CHD9: variants seen among roughly 807,000 people sequenced by gnomAD.
The protein encoded by CHD9 is chromodomain helicase DNA binding protein 9, also known as ATP-dependent chromatin remodeler CHD9.
In CHD9, 77 loss-of-function variants were observed where a neutral mutation model predicts 316.1. That is an observed-to-expected ratio of 0.24 (90% CI 0.20 to 0.29). The LOEUF (loss-of-function observed/expected upper bound fraction) is 0.29. Among genes scored for constraint, CHD9 ranks in the 10% least tolerant of loss-of-function variants. CHD9 has a pLI of 1.00. For missense variants in CHD9, 2,763 were observed against 3,438.1 expected (o/e 0.80, Z 4.91); for synonymous variants, 1,129 against 1,158.3 (o/e 0.97, Z 0.51).
intron 1 of CHD9, among the ~76,000 whole-genome samples, chr16:53,103,092 G>A (rs553197912): frequency 6.7e-5 from 10 of 148,538 alleles, no homozygotes; most frequent in South Asian, 4.2e-4. Flanking sequence ...TGATCCGCCC[G>A]CCTTGGCCTC....
At position 53,245,760 on chromosome 16, in the gene CHD9, T is replaced by C; in HGVS notation, c.3364T>C (p.Ser1122Pro). 1 of 1,611,324 alleles carries C rather than the reference T, an allele frequency of 6.2e-7. No homozygotes were observed. The highest frequency in any genetic ancestry group is 8.5e-7 in the Non-Finnish European group (1 of 1,178,984). The part of the protein sequence containing the change: ...AILEKNFSFL[S>P]KGAGQTNVPN... The stretch of plus-strand genomic sequence containing the variant: ...CTTGGAAAAGAACTTTTCTTTTTTA[T>C]CCAAAGGAGCAGGACAAACTAATGT... Residue 1122 changes from serine (S) to proline (P), a missense_variant, in exon 15 of 39, where the codon TCC becomes CCC. By Grantham distance (74) the Ser-to-Pro change is moderately conservative (BLOSUM62 -1). Around this residue, in one of 15 missense-constraint regions of CHD9, gnomAD observed 155 missense variants for 291.8 expected, o/e 0.53. Transcript: ENST00000447540. This position sits in a 1 kb window ranked among gnomAD's most constrained non-coding sequence, Gnocchi z 4.1.
At chr16:53,145,280 T>G (rs1010572406) in intron 1 of CHD9, among the ~76,000 whole-genome samples, 5 of 151,550 alleles carry the variant, frequency 3.3e-5, no homozygotes, top group East Asian at 4.0e-4. Context: ...GCCTCCCAAA[T>G]AGCTGGGATT....
At chr16:53,235,120 C>G (rs1567531746) in intron 10 of CHD9, 65 bp from the exon 11 acceptor site, 1 of 1,286,608 alleles carries the variant, frequency 7.8e-7, no homozygotes, top group Admixed American at 2.5e-5. Context: ...TAAACCAATG[C>G]TTTTTGCCTT....
chr16:53,308,078 A>C (rs2056145740), intron 33 of CHD9, 125 bp downstream of exon 33: 1 of 827,252 alleles, frequency 1.2e-6, no homozygotes, highest in Non-Finnish European at 1.8e-6. Context: ...TATTTGGATT[A>C]TTTTCTTTCT....
At position 53,096,046 on chromosome 16, in the gene CHD9, G is replaced by T. The variant is rs530318991; in HGVS notation, c.-165+40969G>T. Among the ~76,000 whole-genome samples, 6 of 151,832 alleles carry T rather than the reference G, an allele frequency of 4.0e-5. No individual in the cohort carries two copies. In the East Asian group the frequency reaches 1.2e-3, roughly 29 times the overall value. On this transcript the variant is annotated intron_variant, in intron 1 of 38. Coordinates refer to ENST00000447540, the MANE Select transcript of CHD9 (RefSeq NM_001308319.2). The stretch of plus-strand genomic sequence containing the variant: ...AGCAGTGGGGGTCATCCTGCAAGGG[G>T]ACTGTGAAGATTTTTTTTTTTTTTT...
chr16:53,284,984 C>G (rs1212437856), intron 24 of CHD9, among the ~76,000 whole-genome samples: 10 of 152,004 alleles, frequency 6.6e-5, no homozygotes, highest in Non-Finnish European at 1.5e-4. Context: ...CCAGGCTGGT[C>G]TTGTACTCCT....
At chr16:53,097,866 TCCCAGCA>T (rs1254824445) in intron 1 of CHD9, among the ~76,000 whole-genome samples, 4 of 152,236 alleles carry the variant, frequency 2.6e-5, no homozygotes, top group Non-Finnish European at 4.4e-5. Context: ...CACACTGTAA[TCCCAGCA>T]CTTTGGGAGG....
intron 24 of CHD9, 86 bp from the exon 25 acceptor site, chr16:53,285,510 C>T: frequency 1.6e-6 from 1 of 612,888 alleles, no homozygotes; most frequent in South Asian, 2.6e-5. Flanking sequence ...TTGAAAGCCA[C>T]AGTGCTTTAA....
At chr16:53,170,298 A>G (rs1441996938) in intron 2 of CHD9, among the ~76,000 whole-genome samples, 1 of 152,268 alleles carries the variant, frequency 6.6e-6, no homozygotes, top group East Asian at 1.9e-4. Flanking sequence ...TGTTATAAAA[A>G]TGTGTTTATA....
chr16:53,131,870 C>T (rs2039346569), intron 1 of CHD9, among the ~76,000 whole-genome samples: 1 of 152,146 alleles, frequency 6.6e-6, no homozygotes, highest in African/African-American at 2.4e-5. Flanking sequence ...CCCCGAGTGC[C>T]TCTCCCCGTC....
chr16:53,065,308 T>C (rs918863457), intron 1 of CHD9, among the ~76,000 whole-genome samples: 9 of 152,040 alleles, frequency 5.9e-5, no homozygotes, highest in African/African-American at 2.2e-4. Context: ...TCCTTCCTAC[T>C]GCTCCCTGGG....
Position 53,286,135 on chromosome 16 carries a change from A to G in CHD9, c.5072-91A>G, listed in dbSNP as rs187214798. The G allele has an allele frequency of 2.9e-4, 181 of 634,050 alleles. 2 individuals are homozygous for G. Among genetic ancestry groups the G allele is most frequent in the Non-Finnish European group, 3.3e-5 (12 of 363,262 alleles). 39.3% of individuals were successfully genotyped at this position (634,050 alleles called of 1,614,324 possible). On this transcript the variant is annotated intron_variant, in intron 25 of 38. Coordinates refer to ENST00000447540, the MANE Select transcript of CHD9 (RefSeq NM_001308319.2). ...AATGTATTATCCCTTTAGTCCAGAAATATCATCCACTGTAAATACGAGGAA... is the reference window on the plus strand; with the variant it reads ...AATGTATTATCCCTTTAGTCCAGAAGTATCATCCACTGTAAATACGAGGAA...
In CHD9 at chr16:53,254,492, C is replaced by T. The variant is rs1398424146; in HGVS notation, c.3916C>T (p.Leu1306=). Residue 1306 remains leucine (L), a synonymous_variant, in exon 18 of 39, where the codon CTG becomes TTG. Coordinates refer to ENST00000447540, the MANE Select transcript of CHD9 (RefSeq NM_001308319.2). ...GAACAAAGCAGTTAAAGTCTACAGA[C>T]TGGTAACTCGTAACTCATATGAGAG... is the stretch of plus-strand genomic sequence containing the variant. ...GQNKAVKVYR[L]VTRNSYEREM... is the part of the protein sequence containing the mutation. 1.2e-6 allele frequency: 2 copies of T among 1,612,992 alleles called. No individual in the cohort carries two copies. Among genetic ancestry groups the T allele is most frequent in the East Asian group, 4.5e-5 (2 of 44,866 alleles).
At chr16:53,226,616 C>T in intron 5 of CHD9, 104 bp downstream of exon 5, 2 of 1,229,994 alleles carry the variant, frequency 1.6e-6, no homozygotes, top group Non-Finnish European at 2.3e-6. Context: ...ACTTATCCTT[C>T]CGGATTCCAT....
At chr16:53,058,888 C>G (rs1192087502) in intron 1 of CHD9, among the ~76,000 whole-genome samples, 1 of 152,128 alleles carries the variant, frequency 6.6e-6, no homozygotes, top group Non-Finnish European at 1.5e-5. Context: ...GACACAGGGT[C>G]TTGCTCTGTC....
rs1567658814 is a variant in CHD9 at position 53,304,662 on chromosome 16, A to T, written c.6619+37A>T. The T allele has an allele frequency of 3.2e-6, 4 of 1,266,076 alleles. 1 individual carries two copies. The allele number at this position is 1,266,076 out of a possible 1,614,324, so 78.4% of individuals were successfully genotyped here. On this transcript the variant is annotated intron_variant, in intron 31 of 38. Transcript: ENST00000447540. ...AAAATAATTCTACTTTTTTAACATA[A>T]CTTTTCTTTTCTTTTCTTTTCTTTT...
chr16:53,180,918 G>A (rs1257203653), intron 2 of CHD9, among the ~76,000 whole-genome samples: 3 of 151,366 alleles, frequency 2.0e-5, no homozygotes, highest in African/African-American at 4.9e-5. Context: ...CTCGTGATCC[G>A]CCTGCCTCAG....
At chr16:53,111,907 C>T (rs932416000) in intron 1 of CHD9, among the ~76,000 whole-genome samples, 1 of 152,132 alleles carries the variant, frequency 6.6e-6, no homozygotes, top group Non-Finnish European at 1.5e-5. Context: ...TATGCGATGA[C>T]TTTATATGTA....
intron 1 of CHD9, among the ~76,000 whole-genome samples, chr16:53,089,193 G>A (rs944640922): frequency 2.6e-5 from 4 of 152,182 alleles, no homozygotes; most frequent in African/African-American, 9.7e-5. Flanking sequence ...GGCTGAGGCA[G>A]GTGGATCACT....
Sources: gnomAD v4.1 joint callset for allele counts (sites outside exome capture counted in the v4.1 genomes callset) on GRCh38, gnomAD v4.1.1 for gene constraint, gnomAD v4.1.1 regional missense constraint, Gnocchi (gnomAD v3.1) non-coding constraint, MANE v1.5 for transcripts, NCBI Gene and HGNC (gene_info 2026-07-23, HGNC 2026-07-21) for gene names.